The following WWOX variants were observed in gnomAD, a reference collection of about 807,000 sequenced individuals.
WWOX encodes WW domain containing oxidoreductase.
WWOX carries 69 observed loss-of-function variants against 46.2 expected under a neutral mutation model. The observed-to-expected ratio is 1.49, with a 90% confidence interval of 1.23 to 1.82. WWOX has a LOEUF of 1.82. Among genes scored for constraint, WWOX ranks in the 40% most tolerant of loss-of-function variants. The probability of loss-of-function intolerance (pLI) is 0.00; values close to 1 mark genes in which losing one functional copy is unlikely to be tolerated. For missense variants in WWOX, 919 were observed against 542.6 expected (o/e 1.69, Z -6.89); for synonymous variants, 359 against 202.6 (o/e 1.77, Z -6.56).
intron 8 of WWOX, among the ~76,000 whole-genome samples, chr16:78,894,738 T>C (rs1399291947): frequency 2.6e-5 from 4 of 152,080 alleles, no homozygotes; most frequent in South Asian, 2.1e-4. Context: ...TTAAACAAGA[T>C]TGGGAAAGAA....
At chr16:78,709,015 T>G (rs1158791113) in intron 8 of WWOX, among the ~76,000 whole-genome samples, 1 of 152,202 alleles carries the variant, frequency 6.6e-6, no homozygotes, top group Non-Finnish European at 1.5e-5. Context: ...GCTCATAAAC[T>G]ATGTTTCGAA....
chr16:78,387,173 A>G (rs974876707), intron 6 of WWOX, among the ~76,000 whole-genome samples: 23 of 152,228 alleles, frequency 1.5e-4, no homozygotes, highest in African/African-American at 5.5e-4. Flanking sequence ...ACATACCAAA[A>G]GAGAAGACAC....
chr16:78,982,835 C>T (rs2046709715), intron 8 of WWOX, among the ~76,000 whole-genome samples: 1 of 152,074 alleles, frequency 6.6e-6, no homozygotes, highest in African/African-American at 2.4e-5. Flanking sequence ...CTTCTGAGCC[C>T]CTCTTTATCC....
intron 8 of WWOX, among the ~76,000 whole-genome samples, chr16:78,906,753 G>C (rs1448948219): frequency 2.0e-5 from 3 of 152,188 alleles, no homozygotes; most frequent in Non-Finnish European, 2.9e-5. Context: ...CCTTTAACTT[G>C]AAATTGTTTT....
chr16:78,922,054 G>C (rs924997422), intron 8 of WWOX, among the ~76,000 whole-genome samples: 2 of 152,204 alleles, frequency 1.3e-5, no homozygotes, highest in Admixed American at 1.3e-4. Flanking sequence ...ATGTGTGGCA[G>C]TATGCATGGA....
At position 79,178,172 on chromosome 16, in the gene WWOX, T is replaced by G. The variant is rs561684801; in HGVS notation, c.1057-33436T>G. On this transcript the variant is annotated intron_variant, in intron 8 of 8. Transcript: ENST00000566780. ...TTTGAGGATGCAAACCTTCAGACCA[T>G]AGCACTATCATAGTGCAAAACAACC... Among the ~76,000 whole-genome samples the G allele has an allele frequency of 2.6e-5, 4 of 152,340 alleles. No homozygotes were observed. In the South Asian group the frequency reaches 8.3e-4, roughly 32 times the overall value.
At chr16:78,902,949 A>G (rs1427787274) in intron 8 of WWOX, among the ~76,000 whole-genome samples, 1 of 152,192 alleles carries the variant, frequency 6.6e-6, no homozygotes, top group East Asian at 1.9e-4. Flanking sequence ...TGAGTCGAGG[A>G]TCCACATTCC....
At chr16:78,545,355 A>G (rs890858115) in intron 8 of WWOX, among the ~76,000 whole-genome samples, 1 of 151,930 alleles carries the variant, frequency 6.6e-6, no homozygotes, top group Non-Finnish European at 1.5e-5. Context: ...ATATATTGAG[A>G]TGGTTCCTTT....
chr16:78,750,814 G>A (rs1044136781), intron 8 of WWOX, among the ~76,000 whole-genome samples: 1 of 152,138 alleles, frequency 6.6e-6, no homozygotes, highest in Non-Finnish European at 1.5e-5. Context: ...TTGCTGCAAA[G>A]AACATGATTT....
At chr16:79,081,304 C>T (rs1309794129) in intron 8 of WWOX, among the ~76,000 whole-genome samples, 1 of 152,164 alleles carries the variant, frequency 6.6e-6, no homozygotes, top group African/African-American at 2.4e-5. Flanking sequence ...GCTGGGATTA[C>T]AGGTGTGCAC....
chr16:78,586,154 C>G lies in WWOX; in HGVS notation c.1056+153402C>G, dbSNP rs558562975. ...GGAGGATTGTTTGAGCCCCGGAGTT[C>G]AAGACTAGCCTGGGCAACATAGCGA... On this transcript the variant is annotated intron_variant, in intron 8 of 8. Transcript: ENST00000566780. Among the ~76,000 whole-genome samples, 11 of 152,098 alleles carry G rather than the reference C, an allele frequency of 7.2e-5. No homozygotes were observed. In the South Asian group the frequency reaches 2.1e-3, roughly 29 times the overall value.
chr16:78,300,064 T>C (rs2080013420), intron 5 of WWOX, among the ~76,000 whole-genome samples: 1 of 152,188 alleles, frequency 6.6e-6, no homozygotes, highest in African/African-American at 2.4e-5. Flanking sequence ...AGAAGGACAG[T>C]GCTTAAAACA....
intron 8 of WWOX, among the ~76,000 whole-genome samples, chr16:78,594,180 A>C (rs2045420779): frequency 6.8e-6 from 1 of 146,432 alleles, no homozygotes; most frequent in African/African-American, 2.7e-5. Flanking sequence ...TATCTCTTGG[A>C]ATCCTTAGGG....
At chr16:79,019,890 TTTTCCC>T (rs2047496754) in intron 8 of WWOX, among the ~76,000 whole-genome samples, 1 of 152,214 alleles carries the variant, frequency 6.6e-6, no homozygotes, top group Non-Finnish European at 1.5e-5. Context: ...CTCAATGTTC[TTTTCCC>T]TCTAATGGGG....
At chr16:79,141,570 TAGA>T (rs1412412898) in intron 8 of WWOX, among the ~76,000 whole-genome samples, 2 of 152,254 alleles carry the variant, frequency 1.3e-5, no homozygotes, top group African/African-American at 4.8e-5. Flanking sequence ...TTTGGCTTTG[TAGA>T]AGGTCGAGTT....
chr16:78,892,007 G>C (rs1437436979), intron 8 of WWOX: 2 of 152,112 alleles, frequency 1.3e-5, no homozygotes, highest in Non-Finnish European at 1.5e-5. Flanking sequence ...GTCAGTAATA[G>C]TGTTTTAAAA....
At chr16:78,422,852 C>CATATATATAT (rs1567563744) in intron 6 of WWOX, among the ~76,000 whole-genome samples, 1 of 109,262 alleles carries the variant, frequency 9.2e-6, no homozygotes, top group African/African-American at 5.9e-5. Context: ...TATACACACA[C>CATATATATAT]ACACACACAC....
At chr16:79,090,776 C>T (rs1371875327) in intron 8 of WWOX, among the ~76,000 whole-genome samples, 2 of 152,088 alleles carry the variant, frequency 1.3e-5, no homozygotes, top group Non-Finnish European at 2.9e-5. Flanking sequence ...TTGGCCATGC[C>T]CTGCCTTGTT....
intron 8 of WWOX, among the ~76,000 whole-genome samples, chr16:78,531,592 C>A (rs1399483203): frequency 1.3e-5 from 2 of 152,108 alleles, no homozygotes; most frequent in Non-Finnish European, 2.9e-5. Context: ...ACTGTAATCC[C>A]AGCACTTTGG....
Sources: gnomAD v4.1 joint callset for allele counts (sites outside exome capture counted in the v4.1 genomes callset) on GRCh38, gnomAD v4.1.1 for gene constraint, MANE v1.5 for transcripts, NCBI Gene and HGNC (gene_info 2026-07-23, HGNC 2026-07-21) for gene names.